The following SLC25A12 variants were observed in gnomAD, a reference collection of about 807,000 sequenced individuals.
The protein encoded by SLC25A12 is electrogenic aspartate/glutamate antiporter SLC25A12, mitochondrial.
A neutral mutation model predicts 83.3 loss-of-function variants in SLC25A12; 32 were observed. That is an observed-to-expected ratio of 0.38 (90% CI 0.29 to 0.52). The LOEUF (loss-of-function observed/expected upper bound fraction) is 0.52. Ranked by LOEUF, SLC25A12 falls within the 20% of genes least tolerant of loss-of-function variation. The pLI, the probability that SLC25A12 is intolerant of heterozygous loss-of-function variation, is 0.84. For synonymous variants in SLC25A12, 267 were observed against 291.1 expected, an observed-to-expected ratio of 0.92 and a Z score of 0.84; for missense variants, 611 against 835.6, an observed-to-expected ratio of 0.73 and a Z score of 3.31.
At chr2:171,812,109 T>G (rs1302737680) in intron 11 of SLC25A12, among the ~76,000 whole-genome samples, 1 of 152,212 alleles carries the variant, frequency 6.6e-6, no homozygotes, top group East Asian at 1.9e-4. Context: ...GTTCTGAATA[T>G]TTGAGGAAAA....
chr2:171,863,207 A>G (rs576227551), intron 3 of SLC25A12, among the ~76,000 whole-genome samples: 1 of 152,244 alleles, frequency 6.6e-6, no homozygotes, highest in African/African-American at 2.4e-5. Flanking sequence ...CCAGTAGAGA[A>G]TATCTTTTTA....
chr2:171,875,112 T>C lies in SLC25A12; in HGVS notation c.67-6289A>G, dbSNP rs184460678. Reference sequence around the variant, plus strand: ...CCAATCAGATGTTTGTACGGGAGTGTGACCTTTATAACTTCACTTCAGCCT... The same window carrying C: ...CCAATCAGATGTTTGTACGGGAGTGCGACCTTTATAACTTCACTTCAGCCT... On this transcript the variant is annotated intron_variant, in intron 2 of 17. Coordinates refer to ENST00000422440, the MANE Select transcript of SLC25A12 (RefSeq NM_003705.5). Among the ~76,000 whole-genome samples, 618 of 152,254 alleles carry C rather than the reference T, an allele frequency of 4.1e-3. 4 individuals are homozygous for C. Among genetic ancestry groups the C allele is most frequent in the Non-Finnish European group, 6.9e-3 (471 of 68,020 alleles).
rs531519548 is a variant in SLC25A12, at chr2:171,799,861, T to C, written c.1306-6094A>G. On this transcript the variant is annotated intron_variant, in intron 13 of 17. Transcript: ENST00000422440. ...AAAATTCACCTGCAACATTAGCACT[T>C]TGCTGAGTAATAAGTTTTGAGTTTC... 6.6e-5 allele frequency among the ~76,000 whole-genome samples: 10 copies of C among 152,338 alleles called. No homozygotes were observed. In the South Asian group the frequency reaches 1.9e-3, roughly 28 times the overall value.
intron 8 of SLC25A12, among the ~76,000 whole-genome samples, chr2:171,831,840 A>G (rs1684438054): frequency 6.6e-6 from 1 of 151,692 alleles, no homozygotes; most frequent in Non-Finnish European, 1.5e-5. Flanking sequence ...CGGAGGTTGC[A>G]GTGGGCTGAG....
In SLC25A12 at chr2:171,868,681, C is replaced by T; in HGVS notation, c.209G>A (p.Gly70Glu). ...TCAGAAAATGCATGAAGATACTTACCCATCCTTGGTTTGATCAGCTACTCC... is the reference window on the plus strand; with the variant it reads ...TCAGAAAATGCATGAAGATACTTACTCATCCTTGGTTTGATCAGCTACTCC... ...LAGVADQTKD[G>E]LISYQEFLAF... is the part of the protein sequence containing the mutation. Residue 70 changes from glycine to glutamate, a missense_variant and splice_region_variant, in exon 3 of 18, where the codon GGG (glycine) becomes GAG (glutamate). By Grantham distance (98) the Gly-to-Glu change is moderately conservative (BLOSUM62 -2). Coordinates refer to ENST00000422440, the MANE Select transcript of SLC25A12 (RefSeq NM_003705.5). 5.0e-6 allele frequency: 8 copies of T among 1,613,534 alleles called. No homozygotes were observed. Among genetic ancestry groups the T allele is most frequent in the Non-Finnish European group, 6.8e-6 (8 of 1,179,560 alleles).
At chr2:171,844,214 A>G (rs1184659160) in intron 5 of SLC25A12, among the ~76,000 whole-genome samples, 155 bp downstream of exon 5, 1 of 152,366 alleles carries the variant, frequency 6.6e-6, no homozygotes, top group African/African-American at 2.4e-5. Context: ...AGCTATTAAG[A>G]GTTTAAAGAA....
intron 2 of SLC25A12, among the ~76,000 whole-genome samples, chr2:171,886,230 CTTT>C (rs11428637): frequency 8.2e-6 from 1 of 122,542 alleles, no homozygotes; most frequent in African/African-American, 3.1e-5. Context: ...AATATAATAG[CTTT>C]TTTTTTTTTT....
chr2:171,789,279 A>G (rs1240950468), intron 15 of SLC25A12, among the ~76,000 whole-genome samples: 5 of 152,038 alleles, frequency 3.3e-5, no homozygotes, highest in South Asian at 4.1e-4. Context: ...CCCAGGCTGG[A>G]GTGCAGTGGC....
chr2:171,850,117 C>CT (rs1684892589), intron 4 of SLC25A12, among the ~76,000 whole-genome samples: 1 of 150,804 alleles, frequency 6.6e-6, no homozygotes, highest in Non-Finnish European at 1.5e-5. Flanking sequence ...ATAGAATTCC[C>CT]TTTTTTTGGG....
rs1456819379 is a variant in SLC25A12, at chr2:171,868,687, T to C, written c.203A>G (p.Lys68Arg). 1 of 1,613,932 alleles carries C rather than the reference T, an allele frequency of 6.2e-7. No homozygotes were observed. Among genetic ancestry groups the C allele is most frequent in the Non-Finnish European group, 8.5e-7 (1 of 1,179,792 alleles). Residue 68 changes from lysine (K) to arginine (R), a missense_variant, in exon 3 of 18, where the codon AAG becomes AGG. Lys to Arg is a conservative substitution (Grantham distance 26). This residue lies in a region of SLC25A12 where 540 missense variants were observed against 777.5 expected (regional missense o/e 0.69). Coordinates refer to ENST00000422440, the MANE Select transcript of SLC25A12 (RefSeq NM_003705.5). Reference protein sequence around the residue: ...QLLAGVADQTKDGLISYQEFL... With the variant: ...QLLAGVADQTRDGLISYQEFL... Reference sequence around the variant, plus strand: ...AATGCATGAAGATACTTACCCATCCTTGGTTTGATCAGCTACTCCTGCCAA... The same window carrying C: ...AATGCATGAAGATACTTACCCATCCCTGGTTTGATCAGCTACTCCTGCCAA...
chr2:171,835,128 C>T (rs1467774555), intron 6 of SLC25A12, among the ~76,000 whole-genome samples: 1 of 152,164 alleles, frequency 6.6e-6, no homozygotes, highest in African/African-American at 2.4e-5. Context: ...AGGTCAAAAA[C>T]AACAAATATA....
chr2:171,884,183 CTG>C (rs894183120), intron 2 of SLC25A12, among the ~76,000 whole-genome samples: 29 of 145,884 alleles, frequency 2.0e-4, no homozygotes, highest in African/African-American at 7.4e-4. Context: ...CCCAGCCAAT[CTG>C]TGGGCTTTTT....
At chr2:171,802,750 T>C (rs1403823411) in intron 13 of SLC25A12, among the ~76,000 whole-genome samples, 2 of 152,192 alleles carry the variant, frequency 1.3e-5, no homozygotes, top group Non-Finnish European at 2.9e-5. Flanking sequence ...CACTCCAGCC[T>C]GGGCGACAGT....
intron 4 of SLC25A12, among the ~76,000 whole-genome samples, chr2:171,854,920 G>A (rs1175873233): frequency 6.6e-6 from 1 of 152,142 alleles, no homozygotes; most frequent in Non-Finnish European, 1.5e-5. Flanking sequence ...ATAAAAGGGG[G>A]CTTAAGTTTA....
rs375611896 is a variant in SLC25A12, at chr2:171,864,229, G to A, written c.209+4452C>T. Among the ~76,000 whole-genome samples the A allele has an allele frequency of 2.0e-5, 3 of 152,270 alleles. No individual in the cohort carries two copies. In the East Asian group the frequency reaches 5.8e-4, roughly 29 times the overall value. ...AGTTTGTCACACAAGCACCTCAACA[G>A]GTAGGAGAAAGAGCCTAGGCCCTGG... On this transcript the variant is annotated intron_variant, in intron 3 of 17. Transcript: ENST00000422440.
intron 2 of SLC25A12, among the ~76,000 whole-genome samples, chr2:171,881,398 C>T (rs1008074722): frequency 3.3e-5 from 5 of 152,278 alleles, no homozygotes; most frequent in Middle Eastern, 3.4e-3. Flanking sequence ...GTGATCCAGC[C>T]GCCTCGGCCT....
rs750317244 is a variant in SLC25A12, at chr2:171,810,280, G to A, written c.1172-4C>T. On this transcript the variant is annotated splice_polypyrimidine_tract_variant and splice_region_variant and intron_variant, in intron 11 of 17. Coordinates refer to ENST00000422440, the MANE Select transcript of SLC25A12 (RefSeq NM_003705.5). The stretch of plus-strand genomic sequence containing the variant: ...CCTATAAGTTGTGGTATCAGACCTA[G>A]GTAAAGGGACAGAATCATCAGCAAT... 1 of 1,612,568 alleles carries A rather than the reference G, an allele frequency of 6.2e-7. No individual in the cohort carries two copies. Among genetic ancestry groups the A allele is most frequent in the South Asian group, 1.1e-5 (1 of 91,054 alleles).
At chr2:171,790,247 G>A (rs1213048042) in intron 15 of SLC25A12, among the ~76,000 whole-genome samples, 1 of 152,234 alleles carries the variant, frequency 6.6e-6, no homozygotes, top group Non-Finnish European at 1.5e-5. Flanking sequence ...AGCCCAGCAA[G>A]GAAGAGCAAC....
intron 13 of SLC25A12, among the ~76,000 whole-genome samples, chr2:171,809,098 C>A (rs1683899708): frequency 6.6e-6 from 1 of 152,214 alleles, no homozygotes; most frequent in Non-Finnish European, 1.5e-5. Flanking sequence ...TTAATCCAGT[C>A]TGTCACTGAT....
Sources: gnomAD v4.1 joint callset for allele counts (sites outside exome capture counted in the v4.1 genomes callset) on GRCh38, gnomAD v4.1.1 for gene constraint, gnomAD v4.1.1 regional missense constraint, MANE v1.5 for transcripts, NCBI Gene and HGNC (gene_info 2026-07-23, HGNC 2026-07-21) for gene names.